ENTR1: variants seen among roughly 807,000 people sequenced by gnomAD.
ENTR1 encodes the protein endosome-associated-trafficking regulator 1.
In ENTR1, 47 loss-of-function variants were observed where a neutral mutation model predicts 47.9. The ratio of observed to expected loss-of-function variants is 0.98; its 90% CI spans 0.78 to 1.25. ENTR1 has a LOEUF of 1.25. Among genes scored for constraint, ENTR1 ranks in the 50% most tolerant of loss-of-function variants. The probability of loss-of-function intolerance (pLI) is 0.00; values close to 1 mark genes in which losing one functional copy is unlikely to be tolerated. For synonymous variants in ENTR1, 290 were observed against 245.8 expected, an observed-to-expected ratio of 1.18 and a Z score of -1.68; for missense variants, 668 against 570.5, an observed-to-expected ratio of 1.17 and a Z score of -1.74.
chr9:136,408,019 G>T, intron 3 of ENTR1, 81 bp from the exon 4 acceptor site: 1 of 890,044 alleles, frequency 1.1e-6, no homozygotes. Flanking sequence ...TGTCTTTCCA[G>T]AGCATGGCCA....
Position 136,404,677 on chromosome 9 carries a change from G to C in ENTR1, c.1022C>G (p.Ala341Gly), listed in dbSNP as rs771796469. 6.2e-7 allele frequency: 1 copy of C among 1,614,048 alleles called. No individual in the cohort carries two copies. The highest frequency in any genetic ancestry group is 1.1e-5 in the South Asian group (1 of 91,078). The change falls in exon 8 of 10, where the codon GCA (alanine) becomes GGA (glycine). Residue 341 changes from alanine to glycine, a missense_variant. Physicochemically the swap from Ala to Gly is moderately conservative, Grantham distance 60. Transcript: ENST00000357365. ...TTTTAGTTTCACGACGTGGTTTTCT[G>C]CCTTTACAGCCCGTTTCTGTTACCC... is the stretch of plus-strand genomic sequence containing the variant. ...LELMTKRAVK[A>G]ENHVVKLKQE...
At chr9:136,404,812 C>A in intron 7 of ENTR1, 119 bp from the exon 8 acceptor site, 1 of 947,574 alleles carries the variant, frequency 1.1e-6, no homozygotes, top group Non-Finnish European at 1.6e-6. Flanking sequence ...CCCTTCACAG[C>A]CCCTGTGCCC....
intron 8 of ENTR1, 141 bp from the exon 9 acceptor site, chr9:136,404,335 G>A: frequency 1.8e-6 from 2 of 1,142,374 alleles, no homozygotes; most frequent in East Asian, 2.4e-5. Context: ...CTCGCCTCTG[G>A]GACTGGGGGC....
Position 136,410,336 on chromosome 9 carries a change from A to G in ENTR1, c.62T>C (p.Ile21Thr). ...GCCCCTGCCCCGCTCACCGTCGGGA[A>G]TGGCGAGGCTCCGGGCTCGGGACAG... ...TPLSRARSLA[I>T]PDAPAFYERR... Residue 21 changes from isoleucine (I) to threonine (T), a missense_variant, in exon 1 of 10, where the codon ATT (isoleucine) becomes ACT (threonine). Physicochemically the swap from Ile to Thr is moderately conservative, Grantham distance 89. Transcript: ENST00000357365. The G allele has an allele frequency of 6.5e-7, 1 of 1,545,892 alleles. No homozygotes were observed.
chr9:136,408,888 T>G, intron 3 of ENTR1, 111 bp downstream of exon 3: 10 of 678,970 alleles, frequency 1.5e-5, no homozygotes, highest in Non-Finnish European at 2.7e-5. Flanking sequence ...CCACCTGCTC[T>G]TTTGGGCTCC....
chr9:136,407,790 C>T, intron 4 of ENTR1, 36 bp downstream of exon 4: 1 of 1,505,728 alleles, frequency 6.6e-7, no homozygotes, highest in Non-Finnish European at 9.2e-7. Flanking sequence ...ACAGAAACGT[C>T]CCACAGAGCC....
chr9:136,405,274 G>C, intron 6 of ENTR1, 72 bp from the exon 7 acceptor site: 1 of 1,249,508 alleles, frequency 8.0e-7, no homozygotes, highest in East Asian at 2.3e-5. Context: ...GATACCTCAT[G>C]AGCCAGATAA....
chr9:136,410,614 G>C lies in ENTR1; in HGVS notation c.-217C>G, dbSNP rs1044461777. ...CGCCTTGGGCCGTCGGCGAGGGGGA[G>C]GGGAAGCCGTGGGCGGAAGCGGAAG... On this transcript the variant is annotated 5_prime_UTR_variant, in exon 1 of 10. Coordinates refer to ENST00000357365, the MANE Select transcript of ENTR1 (RefSeq NM_001039707.2). 7.6e-7 allele frequency: 1 copy of C among 1,311,430 alleles called. No homozygotes were observed. The highest frequency in any genetic ancestry group is 1.5e-5 in the African/African-American group (1 of 66,316). The allele number at this position is 1,311,430 out of a possible 1,614,324, so 81.2% of individuals were successfully genotyped here. A position where few individuals can be genotyped will look rare whatever the true frequency, so the allele number is the denominator to read the frequency against.
intron 4 of ENTR1, 36 bp from the exon 5 acceptor site, chr9:136,407,597 A>G (rs11145915): frequency 2.6e-6 from 4 of 1,514,666 alleles, no homozygotes; most frequent in African/African-American, 1.4e-5. Context: ...AATGGAGGCC[A>G]TGCTTCTGAC....
chr9:136,408,254 G>A (rs1834877234), intron 3 of ENTR1, among the ~76,000 whole-genome samples: 1 of 152,184 alleles, frequency 6.6e-6, no homozygotes, highest in South Asian at 2.1e-4. Context: ...CAGCTCCCTG[G>A]TGTGAGGTCA....
intron 7 of ENTR1, 124 bp from the exon 8 acceptor site, chr9:136,404,817 G>A: frequency 1.1e-6 from 1 of 935,954 alleles, no homozygotes; most frequent in Admixed American, 2.1e-5. Context: ...CACAGCCCCT[G>A]TGCCCCTCCC....
intron 5 of ENTR1, chr9:136,406,848 C>G (rs748894832): frequency 6.5e-6 from 2 of 307,190 alleles, no homozygotes; most frequent in Non-Finnish European, 1.2e-5. Flanking sequence ...TTTTCCTCCT[C>G]TTGGAATACT....
chr9:136,404,256 A>C (rs1834653071), intron 8 of ENTR1, 62 bp from the exon 9 acceptor site: 2 of 1,544,404 alleles, frequency 1.3e-6, no homozygotes, highest in Admixed American at 2.0e-5. Flanking sequence ...GAAAGTCACC[A>C]CCTGGCGAGG....
chr9:136,409,957 A>G, intron 2 of ENTR1, 133 bp downstream of exon 2: 1 of 1,132,198 alleles, frequency 8.8e-7, no homozygotes, highest in Non-Finnish European at 1.3e-6. Context: ...CCGCCTTTGA[A>G]TTCCGAGTGC....
chr9:136,408,342 G>A (rs1446420628), intron 3 of ENTR1, among the ~76,000 whole-genome samples: 1 of 152,198 alleles, frequency 6.6e-6, no homozygotes, highest in African/African-American at 2.4e-5. Context: ...ACTGTGGGAG[G>A]TCAAGGCGGG....
In ENTR1 at chr9:136,404,204, C is replaced by T. The variant is rs761403238; in HGVS notation, c.1069-10G>A. ...AGTTGGAGACCTGCGCCTGGGGGGA[C>T]GGTTACGGCTAAGGACAGAGCAGCT... On this transcript the variant is annotated splice_polypyrimidine_tract_variant and intron_variant, in intron 8 of 9. Coordinates refer to ENST00000357365, the MANE Select transcript of ENTR1 (RefSeq NM_001039707.2). The T allele has an allele frequency of 2.2e-5, 35 of 1,601,650 alleles. No individual in the cohort carries two copies. Among genetic ancestry groups the T allele is most frequent in the Non-Finnish European group, 2.6e-5 (30 of 1,172,738 alleles).
rs1329866781 is a variant in ENTR1, at chr9:136,407,399, G to A, written c.565C>T (p.Leu189=). The A allele has an allele frequency of 1.2e-6, 2 of 1,608,028 alleles. No individual in the cohort carries two copies. ...TGAGTCTGCTCGATGGCGGACGGCA[G>A]GTAGGCCCCACTCCATCCGGTGTCC... is the stretch of plus-strand genomic sequence containing the variant. ...DEDTGWSGAY[L]PSAIEQTHPE... is the part of the protein sequence containing the mutation. Residue 189 remains leucine (L), a synonymous_variant, in exon 5 of 10, where the codon CTG becomes TTG. Transcript: ENST00000357365.
rs1170896994 is a variant in ENTR1 at position 136,410,237 on chromosome 9, G to A, written c.73C>T (p.Pro25Ser). The change falls in exon 2 of 10, where the codon CCA becomes TCA. Residue 25 changes from proline (P) to serine (S), a missense_variant and splice_region_variant. Transcript: ENST00000357365. ...CAAGACCGGCGCTCATAGAACGCTG[G>A]AGCTGGAAGCAACGACAACAGCGAC... Reference protein sequence around the residue: ...RARSLAIPDAPAFYERRSCLP... With the variant: ...RARSLAIPDASAFYERRSCLP... The A allele has an allele frequency of 3.8e-6, 6 of 1,574,322 alleles. No homozygotes were observed. The South Asian group carries it at 5.8e-5, about 15-fold the overall frequency.
chr9:136,409,817 C>G (rs1245794104), intron 2 of ENTR1: 2 of 581,566 alleles, frequency 3.4e-6, no homozygotes, highest in Non-Finnish European at 6.6e-6. Flanking sequence ...GTGAAGGCAC[C>G]CCGACTCCAG....
Sources: allele counts gnomAD v4.1 joint callset (sites outside exome capture counted in the v4.1 genomes callset), GRCh38; gene constraint gnomAD v4.1.1; transcripts MANE v1.5; gene names NCBI Gene and HGNC (gene_info 2026-07-23, HGNC 2026-07-21).